Variants in PKIB observed in about 807,000 individuals in gnomAD.
PKIB encodes cAMP-dependent protein kinase inhibitor beta.
Under a neutral mutation model 4.5 loss-of-function variants are expected in PKIB, and 2 were observed. That is an observed-to-expected ratio of 0.44 (90% CI 0.18 to 1.39). The LOEUF is 1.39. PKIB is among the 40% of genes most tolerant of loss of function. The pLI is 0.27. For synonymous variants in PKIB, 38 were observed against 36.0 expected (o/e 1.06, Z -0.20); for missense variants, 94 against 92.6 (o/e 1.02, Z -0.06).
chr6:122,539,379 T>C (rs1777515267), intron 2 of PKIB, among the ~76,000 whole-genome samples: 1 of 152,096 alleles, frequency 6.6e-6, no homozygotes, highest in African/African-American at 2.4e-5. Flanking sequence ...TTATTGATAG[T>C]TTTTAGCATG....
At chr6:122,594,432 C>T (rs1774112451) in intron 3 of PKIB, among the ~76,000 whole-genome samples, 1 of 152,106 alleles carries the variant, frequency 6.6e-6, no homozygotes, top group South Asian at 2.1e-4. Flanking sequence ...GTCTCGATCT[C>T]CTGACCTCAT....
At chr6:122,709,179 A>C (rs1356584583) in intron 3 of PKIB, among the ~76,000 whole-genome samples, 1 of 152,174 alleles carries the variant, frequency 6.6e-6, no homozygotes, top group Non-Finnish European at 1.5e-5. Flanking sequence ...AAAAATGTAG[A>C]ATGCTAATCA....
At chr6:122,547,460 C>T (rs1163044893) in intron 2 of PKIB, among the ~76,000 whole-genome samples, 1 of 152,004 alleles carries the variant, frequency 6.6e-6, no homozygotes, top group African/African-American at 2.4e-5. Flanking sequence ...CTCAGCCTCC[C>T]TGGTAGCTGG....
At chr6:122,601,797 G>A (rs1347149550) in intron 3 of PKIB, among the ~76,000 whole-genome samples, 1 of 152,082 alleles carries the variant, frequency 6.6e-6, no homozygotes, top group African/African-American at 2.4e-5. Flanking sequence ...TTAATCAACT[G>A]TTTGTGTTAT....
intron 1 of PKIB, among the ~76,000 whole-genome samples, chr6:122,612,422 A>C (rs531949819): frequency 6.6e-6 from 1 of 152,294 alleles, no homozygotes; most frequent in East Asian, 1.9e-4. Flanking sequence ...CAGTTTACTC[A>C]CTTGGTAAGA....
chr6:122,620,789 G>C (rs999057533), intron 1 of PKIB, among the ~76,000 whole-genome samples: 2 of 152,076 alleles, frequency 1.3e-5, no homozygotes, highest in Non-Finnish European at 2.9e-5. Context: ...TTTTAATTAG[G>C]ATTTTTAAAA....
intron 2 of PKIB, among the ~76,000 whole-genome samples, chr6:122,581,022 C>T (rs1433101050): frequency 6.6e-6 from 1 of 152,122 alleles, no homozygotes; most frequent in Non-Finnish European, 1.5e-5. Flanking sequence ...CCAGGATCTT[C>T]CATCAATCAC....
intron 2 of PKIB, among the ~76,000 whole-genome samples, chr6:122,583,343 A>G (rs1048526206): frequency 6.6e-6 from 1 of 152,086 alleles, no homozygotes; most frequent in Admixed American, 6.6e-5. Context: ...GGACTTATAC[A>G]TTCTTAATAG....
chr6:122,536,816 A>C (rs1201550519), intron 2 of PKIB, among the ~76,000 whole-genome samples: 1 of 152,008 alleles, frequency 6.6e-6, no homozygotes, highest in Non-Finnish European at 1.5e-5. Context: ...GCAATAATAA[A>C]TATTAGACAA....
intron 2 of PKIB, among the ~76,000 whole-genome samples, chr6:122,502,343 T>C (rs1776267576): frequency 6.6e-6 from 1 of 151,966 alleles, no homozygotes; most frequent in Non-Finnish European, 1.5e-5. Flanking sequence ...AGTCTATTTT[T>C]ATGCCACTAT....
Position 122,478,234 on chromosome 6 carries a change from A to AT in PKIB, c.-248+302dup, listed in dbSNP as rs1562222227. 7 of 152,170 alleles carry AT rather than the reference A, an allele frequency of 4.6e-5. No individual in the cohort carries two copies. In the South Asian group the frequency reaches 1.0e-3, roughly 23 times the overall value. The allele number at this position is 152,170 out of a possible 1,614,324, so 9.4% of individuals were successfully genotyped here. On this transcript the variant is annotated intron_variant, in intron 2 of 6. Coordinates refer to the PKIB transcript ENST00000392491. ...GAAGCTTATGAGCCAACCACAGGCC[A>AT]TTTTTTTAATCGACATCTCCTGAAG...
At chr6:122,483,724 A>G (rs1351320092) in intron 2 of PKIB, 2 of 152,184 alleles carry the variant, frequency 1.3e-5, no homozygotes, top group Non-Finnish European at 2.9e-5. Context: ...AATAAAGGCT[A>G]GTTTGCAAAG....
chr6:122,610,694 C>T (rs1774716415), intron 1 of PKIB, among the ~76,000 whole-genome samples, 159 bp downstream of exon 1: 1 of 152,250 alleles, frequency 6.6e-6, no homozygotes, highest in Non-Finnish European at 1.5e-5. Context: ...GAGTTCGAAG[C>T]AGATGCCTCT....
intron 3 of PKIB, among the ~76,000 whole-genome samples, chr6:122,588,147 A>G (rs1021555024): frequency 1.3e-5 from 2 of 152,008 alleles, no homozygotes; most frequent in African/African-American, 4.8e-5. Flanking sequence ...TATGGTTTTT[A>G]TGGTTTTAGG....
chr6:122,717,237 C>T (rs1398493495), intron 3 of PKIB, among the ~76,000 whole-genome samples: 3 of 152,002 alleles, frequency 2.0e-5, no homozygotes, highest in Admixed American at 1.3e-4. Flanking sequence ...ATGAGTCTAT[C>T]GAAAATTAGG....
intron 2 of PKIB, among the ~76,000 whole-genome samples, chr6:122,666,711 C>T (rs1218812853): frequency 6.6e-6 from 1 of 152,114 alleles, no homozygotes; most frequent in African/African-American, 2.4e-5. Flanking sequence ...TTATAGAAAC[C>T]ATTTTGAAAA....
chr6:122,516,804 A>C (rs979126069), intron 2 of PKIB, among the ~76,000 whole-genome samples: 1 of 152,212 alleles, frequency 6.6e-6, no homozygotes, highest in African/African-American at 2.4e-5. Context: ...TAAATTAGGG[A>C]GAAGAGACAC....
At chr6:122,496,241 G>T (rs1197223651) in intron 2 of PKIB, among the ~76,000 whole-genome samples, 1 of 152,134 alleles carries the variant, frequency 6.6e-6, no homozygotes, top group Non-Finnish European at 1.5e-5. Flanking sequence ...AGTGCAAAGG[G>T]CTATAGAAGT....
chr6:122,567,640 A>G (rs1773231704), intron 2 of PKIB, among the ~76,000 whole-genome samples: 1 of 152,250 alleles, frequency 6.6e-6, no homozygotes, highest in Non-Finnish European at 1.5e-5. Context: ...GAAAAAAGCA[A>G]CCTTCAACGA....
Sources: gnomAD v4.1 joint callset for allele counts (sites outside exome capture counted in the v4.1 genomes callset) on GRCh38, gnomAD v4.1.1 for gene constraint, MANE v1.5 for transcripts, NCBI Gene and HGNC (gene_info 2026-07-23, HGNC 2026-07-21) for gene names.